TSHZ2: variants seen among roughly 807,000 people sequenced by gnomAD.
TSHZ2 encodes teashirt zinc finger homeobox 2.
In TSHZ2, 21 loss-of-function variants were observed where a neutral mutation model predicts 74.4. That is an observed-to-expected ratio of 0.28 (90% CI 0.20 to 0.41). The LOEUF (loss-of-function observed/expected upper bound fraction) is 0.41. Ranked by LOEUF, TSHZ2 falls within the 10% of genes least tolerant of loss-of-function variation. The pLI is 1.00. For missense variants in TSHZ2, 1,244 were observed against 1,293.5 expected, an observed-to-expected ratio of 0.96 and a Z score of 0.59; for synonymous variants, 540 against 515.3, an observed-to-expected ratio of 1.05 and a Z score of -0.65.
chr20:53,084,273 C>G (rs1011465993), intron 1 of TSHZ2, among the ~76,000 whole-genome samples: 25 of 152,050 alleles, frequency 1.6e-4, no homozygotes, highest in African/African-American at 5.3e-4. Context: ...TTTGAAGAAC[C>G]CTTGGAATTA....
chr20:53,120,558 GA>G (rs1317799821), intron 1 of TSHZ2, among the ~76,000 whole-genome samples: 1 of 152,102 alleles, frequency 6.6e-6, no homozygotes, highest in African/African-American at 2.4e-5. Flanking sequence ...AACTAAATTT[GA>G]AAAATTGCAT....
chr20:52,995,668 A>G (rs1167840415), intron 1 of TSHZ2, among the ~76,000 whole-genome samples: 1 of 144,418 alleles, frequency 6.9e-6, no homozygotes, highest in Non-Finnish European at 1.5e-5. Flanking sequence ...GCTGGAGTGC[A>G]GTGGTGCAAT....
intron 2 of TSHZ2, among the ~76,000 whole-genome samples, chr20:53,468,836 T>C (rs1985645082): frequency 6.6e-6 from 1 of 150,652 alleles, no homozygotes; most frequent in African/African-American, 2.4e-5. Context: ...GTTCAGAAGT[T>C]GGGATTTTCC....
At chr20:53,479,028 G>A (rs1241791393) in intron 2 of TSHZ2, among the ~76,000 whole-genome samples, 3 of 152,080 alleles carry the variant, frequency 2.0e-5, no homozygotes, top group Non-Finnish European at 2.9e-5. Context: ...AGCCGGGTGT[G>A]GTGGCGCATG....
At chr20:53,066,351 G>A (rs898261533) in intron 1 of TSHZ2, among the ~76,000 whole-genome samples, 1 of 152,046 alleles carries the variant, frequency 6.6e-6, no homozygotes, top group Non-Finnish European at 1.5e-5. Flanking sequence ...GGCAAAGACT[G>A]CTTCTCCTTC....
At chr20:53,071,769 G>A (rs759879189) in intron 1 of TSHZ2, among the ~76,000 whole-genome samples, 12 of 152,108 alleles carry the variant, frequency 7.9e-5, no homozygotes, top group East Asian at 1.9e-4. Context: ...ATCCAGGGAC[G>A]TCCGTGAAGT....
intron 2 of TSHZ2, among the ~76,000 whole-genome samples, chr20:53,458,067 G>C (rs192605082): frequency 8.5e-4 from 130 of 152,172 alleles, no homozygotes; most frequent in Non-Finnish European, 1.5e-3. Context: ...AATGATGCTG[G>C]CCTCATAAAA....
chr20:53,131,444 G>A lies in TSHZ2; in HGVS notation c.41-122055G>A, dbSNP rs891547323. Among the ~76,000 whole-genome samples the A allele has an allele frequency of 2.0e-5, 3 of 152,118 alleles. No individual in the cohort carries two copies. The East Asian group carries it at 5.8e-4, about 29-fold the overall frequency. On this transcript the variant is annotated intron_variant, in intron 1 of 2. Coordinates refer to ENST00000371497, the MANE Select transcript of TSHZ2 (RefSeq NM_173485.6). ...CTAATTCCTGTTTGCAGAAATACCT[G>A]CTTTGCAAAAAAATAAGTTAAAAGC...
chr20:52,976,157 A>T (rs1389221861), intron 1 of TSHZ2, among the ~76,000 whole-genome samples: 1 of 152,236 alleles, frequency 6.6e-6, no homozygotes, highest in East Asian at 1.9e-4. Context: ...TAAAGCAGGT[A>T]TCTAAACAGA....
chr20:53,131,825 C>A (rs1164519826), intron 1 of TSHZ2, among the ~76,000 whole-genome samples: 2 of 62,654 alleles, frequency 3.2e-5, no homozygotes, highest in South Asian at 5.4e-4. Flanking sequence ...GACAACCCCC[C>A]CCCCCCCCCA....
chr20:53,387,221 C>T (rs1036304931), intron 2 of TSHZ2, among the ~76,000 whole-genome samples: 13 of 152,202 alleles, frequency 8.5e-5, no homozygotes, highest in Non-Finnish European at 1.3e-4. Flanking sequence ...ACAAACTTCC[C>T]GAGCGTTCAC....
At chr20:53,209,422 C>T (rs1989248699) in intron 1 of TSHZ2, among the ~76,000 whole-genome samples, 1 of 152,204 alleles carries the variant, frequency 6.6e-6, no homozygotes, top group Non-Finnish European at 1.5e-5. Flanking sequence ...AGTTCTCCTC[C>T]CAGTACTCTA....
chr20:53,164,099 A>G (rs147892480), intron 1 of TSHZ2, among the ~76,000 whole-genome samples: 202 of 152,232 alleles, frequency 1.3e-3, no homozygotes, highest in African/African-American at 4.6e-3. Flanking sequence ...TACTATAAAC[A>G]CCACTGTGGT....
chr20:53,374,895 G>T (rs377717782), intron 2 of TSHZ2, among the ~76,000 whole-genome samples: 9 of 148,516 alleles, frequency 6.1e-5, no homozygotes, highest in East Asian at 3.9e-4. Flanking sequence ...CACCCATGAG[G>T]TAGGTTGTCT....
chr20:53,178,310 C>T (rs1336320955), intron 1 of TSHZ2: 2 of 152,230 alleles, frequency 1.3e-5, no homozygotes. Flanking sequence ...TGTAGAAAGG[C>T]AGCACAGCCC....
rs551157869 is a variant in TSHZ2, at chr20:53,254,788, A to G, written c.1330A>G (p.Lys444Glu). The G allele has an allele frequency of 6.2e-7, 1 of 1,613,456 alleles. No individual in the cohort carries two copies. Among genetic ancestry groups the G allele is most frequent in the South Asian group, 1.1e-5 (1 of 90,982 alleles). The change falls in exon 2 of 3, where the codon AAG becomes GAG. Residue 444 changes from lysine (K) to glutamate (E), a missense_variant. Coordinates refer to ENST00000371497, the MANE Select transcript of TSHZ2 (RefSeq NM_173485.6). ...CCCAAACAGTGATTCTCTGGCTCCCAAGCCATCCAGTAACTCAGCATCAGA... is the reference window on the plus strand; with the variant it reads ...CCCAAACAGTGATTCTCTGGCTCCCGAGCCATCCAGTAACTCAGCATCAGA... ...EAPNSDSLAP[K>E]PSSNSASDCT...
At chr20:53,466,117 C>T (rs1206555411) in intron 2 of TSHZ2, among the ~76,000 whole-genome samples, 2 of 152,048 alleles carry the variant, frequency 1.3e-5, no homozygotes, top group Non-Finnish European at 2.9e-5. Flanking sequence ...TGTGATGGCA[C>T]ATGCCTGTAA....
chr20:53,167,843 C>T (rs998530355), intron 1 of TSHZ2, among the ~76,000 whole-genome samples: 3 of 152,132 alleles, frequency 2.0e-5, no homozygotes, highest in Non-Finnish European at 4.4e-5. Context: ...ACAAATGTGA[C>T]ATTAGCACCA....
At chr20:53,226,816 A>G (rs1174965564) in intron 1 of TSHZ2, among the ~76,000 whole-genome samples, 2 of 152,110 alleles carry the variant, frequency 1.3e-5, no homozygotes, top group African/African-American at 4.8e-5. Context: ...TTGGAGACAA[A>G]AATGACTCCA....
Sources: gnomAD v4.1 joint callset for allele counts (sites outside exome capture counted in the v4.1 genomes callset) on GRCh38, gnomAD v4.1.1 for gene constraint, MANE v1.5 for transcripts, NCBI Gene and HGNC (gene_info 2026-07-23, HGNC 2026-07-21) for gene names.